TLE5: variants seen among roughly 807,000 people sequenced by gnomAD.
TLE5 encodes TLE family member 5, transcriptional modulator.
A neutral mutation model predicts 25.8 loss-of-function variants in TLE5; 7 were observed. The ratio of observed to expected loss-of-function variants is 0.27; its 90% CI spans 0.15 to 0.51. TLE5 has a LOEUF of 0.51. Ranked by LOEUF, TLE5 falls within the 20% of genes least tolerant of loss-of-function variation. The pLI is 0.97. For synonymous variants in TLE5, 132 were observed against 110.5 expected, an observed-to-expected ratio of 1.20 and a Z score of -1.22; for missense variants, 149 against 250.7, an observed-to-expected ratio of 0.59 and a Z score of 2.74.
At chr19:3,061,509 A>C in intron 1 of TLE5, 2 of 290,450 alleles carry the variant, frequency 6.9e-6, no homozygotes, top group Non-Finnish European at 6.5e-6. Context: ...GGTGCGTTTT[A>C]AGGCCCGCCC....
chr19:3,056,330 G>A lies in TLE5; in HGVS notation c.216C>T (p.Asn72=). The A allele has an allele frequency of 6.8e-7, 1 of 1,478,024 alleles. No homozygotes were observed. Among genetic ancestry groups the A allele is most frequent in the Non-Finnish European group, 9.1e-7 (1 of 1,104,558 alleles). 91.6% of individuals were successfully genotyped at this position (1,478,024 alleles called of 1,614,324 possible). A position where few individuals can be genotyped will look rare whatever the true frequency, so the allele number is the denominator to read the frequency against. Residue 72 remains asparagine (N), a synonymous_variant, in exon 4 of 7, where the codon AAC becomes AAT. Transcript: ENST00000327141. ...GGCGTACCTGTTTGTGCATCTCGATGTTCAAGCCGTAGGACATCTCGTAGT... is the reference window on the plus strand; with the variant it reads ...GGCGTACCTGTTTGTGCATCTCGATATTCAAGCCGTAGGACATCTCGTAGT... ...VMYYEMSYGL[N]IEMHKQAEIV...
chr19:3,059,334 C>T (rs989197187), intron 2 of TLE5, among the ~76,000 whole-genome samples: 4 of 152,128 alleles, frequency 2.6e-5, no homozygotes, highest in Non-Finnish European at 4.4e-5. Context: ...CCAGCCTGGC[C>T]AACATAACGA....
chr19:3,055,808 G>T, intron 4 of TLE5, 82 bp from the exon 5 acceptor site: 1 of 1,428,488 alleles, frequency 7.0e-7, no homozygotes, highest in East Asian at 2.4e-5. Flanking sequence ...CGCGGGGCCC[G>T]GCCCAGCCCT....
intron 3 of TLE5, chr19:3,057,449 C>CCAGGG: frequency 1.8e-6 from 1 of 551,794 alleles, no homozygotes; most frequent in Admixed American, 3.1e-5. Context: ...CCTGGCAGGG[C>CCAGGG]CGGTCTGCAA....
intron 4 of TLE5, 183 bp downstream of exon 4, chr19:3,056,129 G>A (rs537785217): frequency 9.8e-5 from 51 of 521,956 alleles, no homozygotes; most frequent in East Asian, 8.7e-4. Flanking sequence ...AAAAAGAGGC[G>A]GGGCGGGGGG....
chr19:3,056,553 G>A (rs765969023), intron 3 of TLE5, 197 bp from the exon 4 acceptor site: 89 of 639,252 alleles, frequency 1.4e-4, no homozygotes, highest in Non-Finnish European at 2.2e-4. Context: ...ATCCCAGCCC[G>A]CCCTGGAGAG....
chr19:3,057,884 A>C, intron 2 of TLE5, 142 bp from the exon 3 acceptor site: 1 of 752,250 alleles, frequency 1.3e-6, no homozygotes. Context: ...GTCAAGCAAT[A>C]ATTTTTTTTT....
At chr19:3,062,898 T>G, upstream of TLE5, 1 of 1,224,822 alleles carries the variant, frequency 8.2e-7, no homozygotes, top group South Asian at 1.3e-5. Context: ...TAATGCCGCC[T>G]TCCTGAGGGA....
intron 1 of TLE5, among the ~76,000 whole-genome samples, chr19:3,061,575 C>T (rs28653304): frequency 0.013 from 2,031 of 151,816 alleles, 48 homozygotes; most frequent in African/African-American, 0.046. Flanking sequence ...GGAGGGAGTG[C>T]ACATCCGAGG....
chr19:3,061,637 T>C (rs1436119391), intron 1 of TLE5, among the ~76,000 whole-genome samples: 1 of 150,820 alleles, frequency 6.6e-6, no homozygotes, highest in African/African-American at 2.4e-5. Context: ...GGGGCAGCGA[T>C]TCCTCCCTGC....
At chr19:3,054,260 C>T (rs560582830) in intron 5 of TLE5, 66 bp from the exon 6 acceptor site, 21 of 1,510,266 alleles carry the variant, frequency 1.4e-5, no homozygotes, top group African/African-American at 1.1e-4. Flanking sequence ...GAGAGGGGGA[C>T]GGCCCTGAGG....
At chr19:3,054,091 C>G (rs2302301) in intron 6 of TLE5, 29 bp downstream of exon 6, 56 of 937,050 alleles carry the variant, frequency 6.0e-5, no homozygotes, top group Non-Finnish European at 8.1e-5. Context: ...ACCTGTCCCC[C>G]GCCCACCCGC....
chr19:3,062,689 C>T, upstream of TLE5: 1 of 1,457,180 alleles, frequency 6.9e-7, no homozygotes, highest in East Asian at 2.8e-5. Flanking sequence ...GCCCCCGCCA[C>T]CCTCTCCTAC....
intron 3 of TLE5, chr19:3,056,688 A>G (rs2145258839): frequency 3.9e-6 from 2 of 510,126 alleles, no homozygotes; most frequent in East Asian, 5.1e-5. Flanking sequence ...CTAATCTTGT[A>G]TCTTTCTATG....
At chr19:3,057,260 C>T (rs2090226944) in intron 3 of TLE5, among the ~76,000 whole-genome samples, 1 of 152,244 alleles carries the variant, frequency 6.6e-6, no homozygotes, top group Non-Finnish European at 1.5e-5. Context: ...AGGGCTCAGA[C>T]CCCCTCCCAC....
chr19:3,054,086 T>TCGGGGGGGGGCCGC, intron 6 of TLE5, 34 bp downstream of exon 6: 1 of 1,512,818 alleles, frequency 6.6e-7, no homozygotes, highest in Non-Finnish European at 8.9e-7. Flanking sequence ...GGCCCACCTG[T>TCGGGGGGGGGCCGC]CCCCCGCCCA....
intron 2 of TLE5, 150 bp downstream of exon 2, chr19:3,061,010 A>G: frequency 1.7e-6 from 1 of 598,684 alleles, no homozygotes; most frequent in Non-Finnish European, 3.0e-6. Flanking sequence ...GCTGTTTAAA[A>G]TAAATGAATT....
intron 5 of TLE5, chr19:3,054,913 C>T (rs1341680814): frequency 6.6e-6 from 1 of 152,330 alleles, no homozygotes; most frequent in Non-Finnish European, 1.5e-5. Context: ...CCTGAGATAC[C>T]CACAGGGATT....
In TLE5 at chr19:3,053,654, G is replaced by C; in HGVS notation, c.*165C>G. On this transcript the variant is annotated 3_prime_UTR_variant, in exon 7 of 7. Coordinates refer to ENST00000327141, the MANE Select transcript of TLE5 (RefSeq NM_001130.6). ...GGAATGGGGTAGGAAGAAAGCTAGA[G>C]GTGGCCTGCAAGCTGGGCTGGGGCC... 1 of 692,346 alleles carries C rather than the reference G, an allele frequency of 1.4e-6. No homozygotes were observed. Among genetic ancestry groups the C allele is most frequent in the Non-Finnish European group, 2.4e-6 (1 of 418,802 alleles). 42.9% of individuals were successfully genotyped at this position (692,346 alleles called of 1,614,324 possible).
Sources: gnomAD v4.1 joint callset for allele counts (sites outside exome capture counted in the v4.1 genomes callset) on GRCh38, gnomAD v4.1.1 for gene constraint, MANE v1.5 for transcripts, NCBI Gene and HGNC (gene_info 2026-07-23, HGNC 2026-07-21) for gene names.